PRTFDC1: variants seen among roughly 807,000 people sequenced by gnomAD.
PRTFDC1 encodes the protein phosphoribosyl transferase domain containing 1.
In PRTFDC1, 38 loss-of-function variants were observed where a neutral mutation model predicts 34.6. That is an observed-to-expected ratio of 1.10 (90% CI 0.85 to 1.44). PRTFDC1 has a LOEUF of 1.44. Ranked by LOEUF, PRTFDC1 falls within the 40% of genes most tolerant of loss-of-function variation. The probability of loss-of-function intolerance (pLI) is 0.00; values close to 1 mark genes in which losing one functional copy is unlikely to be tolerated. For synonymous variants in PRTFDC1, 93 were observed against 98.1 expected, an observed-to-expected ratio of 0.95 and a Z score of 0.31; for missense variants, 270 against 283.0, an observed-to-expected ratio of 0.95 and a Z score of 0.33.
intron 4 of PRTFDC1, among the ~76,000 whole-genome samples, chr10:24,868,508 AAGG>A (rs1451837630): frequency 6.6e-6 from 1 of 152,214 alleles, no homozygotes; most frequent in African/African-American, 2.4e-5. Flanking sequence ...CTACAGGAGA[AAGG>A]AGAAGTCACT....
intron 3 of PRTFDC1, among the ~76,000 whole-genome samples, chr10:24,882,133 G>A (rs896443416): frequency 1.3e-5 from 2 of 148,274 alleles, no homozygotes; most frequent in Admixed American, 1.4e-4. Flanking sequence ...CTTGAATCCG[G>A]GAGGCAGAGG....
rs78252527 is a variant in PRTFDC1, at chr10:24,886,122, A to G, written c.340-14059T>C. Among the ~76,000 whole-genome samples the G allele has an allele frequency of 1.3e-3, 195 of 152,282 alleles. 3 individuals carry two copies. In the East Asian group the frequency reaches 0.028, roughly 22 times the overall value. On this transcript the variant is annotated intron_variant, in intron 3 of 8. Coordinates refer to ENST00000320152, the MANE Select transcript of PRTFDC1 (RefSeq NM_020200.7). ...TATACATCACCAAGAGTGAACCCTA[A>G]TGCAAACTACGAACTTTGGGTGATA...
chr10:24,943,789 C>A (rs1335189315), intron 1 of PRTFDC1, among the ~76,000 whole-genome samples: 1 of 151,960 alleles, frequency 6.6e-6, no homozygotes, highest in Non-Finnish European at 1.5e-5. Flanking sequence ...TGGACTCAAG[C>A]CATCCGCCTG....
intron 3 of PRTFDC1, among the ~76,000 whole-genome samples, chr10:24,897,229 C>T (rs1333258877): frequency 1.3e-5 from 2 of 152,062 alleles, no homozygotes; most frequent in Admixed American, 6.6e-5. Context: ...AATAAATGAA[C>T]CATCCCCCAG....
At position 24,880,061 on chromosome 10, in the gene PRTFDC1, C is replaced by G. The variant is rs150728124; in HGVS notation, c.340-7998G>C. Among the ~76,000 whole-genome samples the G allele has an allele frequency of 6.2e-4, 94 of 152,252 alleles. 1 individual carries two copies. In the East Asian group the frequency reaches 0.016, roughly 27 times the overall value. On this transcript the variant is annotated intron_variant, in intron 3 of 8. Coordinates refer to ENST00000320152, the MANE Select transcript of PRTFDC1 (RefSeq NM_020200.7). Reference sequence around the variant, plus strand: ...ACTGACCTTGAGGAAGTTACCTAACCTTTCAGCGCTTCAGTTTCCTTATGA... The same window carrying G: ...ACTGACCTTGAGGAAGTTACCTAACGTTTCAGCGCTTCAGTTTCCTTATGA...
At chr10:24,896,695 A>C (rs1471119973) in intron 3 of PRTFDC1, among the ~76,000 whole-genome samples, 1 of 152,146 alleles carries the variant, frequency 6.6e-6, no homozygotes, top group Non-Finnish European at 1.5e-5. Context: ...AGCACTAAAC[A>C]CTCTGGAAAA....
intron 3 of PRTFDC1, among the ~76,000 whole-genome samples, chr10:24,921,019 TAGGA>T (rs1162956338): frequency 6.6e-6 from 1 of 152,042 alleles, no homozygotes; most frequent in African/African-American, 2.4e-5. Context: ...GCTTTAAGTA[TAGGA>T]ATAAAACAAG....
At chr10:24,853,212 G>A (rs868171540) in intron 7 of PRTFDC1, among the ~76,000 whole-genome samples, 2 of 152,096 alleles carry the variant, frequency 1.3e-5, no homozygotes, top group Non-Finnish European at 2.9e-5. Context: ...ATGAAGCCGG[G>A]TGCGCACCTG....
Position 24,851,606 on chromosome 10 carries a change from C to A in PRTFDC1, c.554-142G>T. 5 of 1,351,256 alleles carry A rather than the reference C, an allele frequency of 3.7e-6. No homozygotes were observed. The South Asian group carries it at 7.6e-5, about 21-fold the overall frequency. 83.7% of individuals were successfully genotyped at this position (1,351,256 alleles called of 1,614,324 possible). ...GGAGTGAGAAATGGTGAGAAATGCA[C>A]ACGATGAGCCCAAGAGGGACCTGGA... On this transcript the variant is annotated intron_variant, in intron 7 of 8. Coordinates refer to ENST00000320152, the MANE Select transcript of PRTFDC1 (RefSeq NM_020200.7).
rs148251731 is a variant in PRTFDC1 at position 24,951,283 on chromosome 10, A to G, written c.48+1245T>C. On this transcript the variant is annotated intron_variant, in intron 1 of 8. Transcript: ENST00000320152. ...CCCTCCTCCTATTGCACATATCTCT[A>G]TTTGAAATTTTCTCTATTTGTTTAC... is the stretch of plus-strand genomic sequence containing the variant. Among the ~76,000 whole-genome samples the G allele has an allele frequency of 1.1e-4, 17 of 151,970 alleles. No individual in the cohort carries two copies. The East Asian group carries it at 3.3e-3, about 30-fold the overall frequency.
At chr10:24,903,603 G>C (rs58036130) in intron 3 of PRTFDC1, among the ~76,000 whole-genome samples, 14,953 of 152,142 alleles carry the variant, frequency 0.098, 1,054 homozygotes, top group East Asian at 0.29. Flanking sequence ...AGTCTAGAGA[G>C]GTCTCACAGC....
At chr10:24,924,890 A>G (rs1270302252) in intron 3 of PRTFDC1, among the ~76,000 whole-genome samples, 2 of 152,256 alleles carry the variant, frequency 1.3e-5, no homozygotes, top group Non-Finnish European at 2.9e-5. Flanking sequence ...AATTAGTTCA[A>G]CTATTGTGGA....
At chr10:24,871,369 G>A (rs1040943122) in intron 4 of PRTFDC1, among the ~76,000 whole-genome samples, 3 of 152,086 alleles carry the variant, frequency 2.0e-5, no homozygotes, top group Middle Eastern at 3.2e-3. Context: ...CATCATCTTC[G>A]TTAGGAAACA....
At chr10:24,872,339 A>G (rs1847885125) in intron 3 of PRTFDC1, among the ~76,000 whole-genome samples, 1 of 151,808 alleles carries the variant, frequency 6.6e-6, no homozygotes, top group Non-Finnish European at 1.5e-5. Flanking sequence ...GAAACAAAAC[A>G]CTCTGGAAGG....
chr10:24,866,206 C>A (rs1847771254), intron 4 of PRTFDC1, among the ~76,000 whole-genome samples: 1 of 151,894 alleles, frequency 6.6e-6, no homozygotes, highest in Non-Finnish European at 1.5e-5. Context: ...TCTAAAACTA[C>A]AAAAATTAGC....
intron 3 of PRTFDC1, among the ~76,000 whole-genome samples, chr10:24,889,098 G>T (rs1313521504): frequency 6.6e-6 from 1 of 152,114 alleles, no homozygotes; most frequent in African/African-American, 2.4e-5. Flanking sequence ...ACTTTGGGGG[G>T]TGATTAGGTC....
Position 24,907,464 on chromosome 10 carries a change from C to T in PRTFDC1, c.339+29720G>A, listed in dbSNP as rs149316498. Among the ~76,000 whole-genome samples, 14 of 152,172 alleles carry T rather than the reference C, an allele frequency of 9.2e-5. No individual in the cohort carries two copies. The South Asian group carries it at 1.0e-3, about 11-fold the overall frequency. On this transcript the variant is annotated intron_variant, in intron 3 of 8. Coordinates refer to ENST00000320152, the MANE Select transcript of PRTFDC1 (RefSeq NM_020200.7). ...TATAAAAATTAGCTGGGTGTGGTGGCGCACGCCTGTAGTCCCCATTACTCG... is the reference window on the plus strand; with the variant it reads ...TATAAAAATTAGCTGGGTGTGGTGGTGCACGCCTGTAGTCCCCATTACTCG...
At chr10:24,870,746 A>T (rs1281208444) in intron 4 of PRTFDC1, among the ~76,000 whole-genome samples, 1 of 152,140 alleles carries the variant, frequency 6.6e-6, no homozygotes, top group Non-Finnish European at 1.5e-5. Context: ...CTAGATAGCC[A>T]TTTAACACAT....
chr10:24,904,292 AC>A (rs1848497638), intron 3 of PRTFDC1, among the ~76,000 whole-genome samples: 3 of 144,084 alleles, frequency 2.1e-5, no homozygotes, highest in Non-Finnish European at 3.1e-5. Flanking sequence ...ACACACACAC[AC>A]AAGGAATCTC....
Sources: gnomAD v4.1 joint callset for allele counts (sites outside exome capture counted in the v4.1 genomes callset) on GRCh38, gnomAD v4.1.1 for gene constraint, MANE v1.5 for transcripts, NCBI Gene and HGNC (gene_info 2026-07-23, HGNC 2026-07-21) for gene names.